Variants in METTL16 observed in about 807,000 individuals in gnomAD.
METTL16 encodes methyltransferase 16, RNA N6-adenosine.
Under a neutral mutation model 57.9 loss-of-function variants are expected in METTL16, and 19 were observed. The observed-to-expected ratio is 0.33, with a 90% CI of 0.23 to 0.48. The LOEUF is 0.48. Among genes scored for constraint, METTL16 ranks in the 20% least tolerant of loss-of-function variants. METTL16 has a pLI of 0.99. For missense variants in METTL16, 434 were observed against 691.5 expected, an observed-to-expected ratio of 0.63 and a Z score of 4.18; for synonymous variants, 246 against 255.6, an observed-to-expected ratio of 0.96 and a Z score of 0.36.
chr17:2,507,776 G>C (rs1463718389), intron 1 of METTL16, among the ~76,000 whole-genome samples: 15 of 152,328 alleles, frequency 9.8e-5, no homozygotes, highest in African/African-American at 3.4e-4. Flanking sequence ...ATTTTGTTCT[G>C]TACTAAGAAA....
chr17:2,491,816 A>G (rs564859607), intron 2 of METTL16, among the ~76,000 whole-genome samples: 2 of 144,148 alleles, frequency 1.4e-5, no homozygotes, highest in African/African-American at 5.3e-5. Flanking sequence ...CAGAGCTTGC[A>G]GTGAGCCGAG....
chr17:2,501,543 A>T (rs918212021), intron 2 of METTL16, among the ~76,000 whole-genome samples: 2 of 152,212 alleles, frequency 1.3e-5, no homozygotes, highest in Non-Finnish European at 2.9e-5. Context: ...CCTGCCTCAC[A>T]TCAAAATAAA....
chr17:2,462,110 G>T (rs187840570), intron 6 of METTL16, among the ~76,000 whole-genome samples: 1 of 152,284 alleles, frequency 6.6e-6, no homozygotes, highest in Non-Finnish European at 1.5e-5. Flanking sequence ...TCCATCAATA[G>T]ATGAACGGAT....
chr17:2,504,613 T>C (rs1321700673), intron 1 of METTL16, among the ~76,000 whole-genome samples: 8 of 152,190 alleles, frequency 5.3e-5, no homozygotes, highest in Non-Finnish European at 1.0e-4. Flanking sequence ...TGGAGTGCAG[T>C]AGCACAATCA....
intron 4 of METTL16, among the ~76,000 whole-genome samples, chr17:2,469,823 T>C (rs1282385132): frequency 6.6e-6 from 1 of 151,878 alleles, no homozygotes; most frequent in South Asian, 2.1e-4. Context: ...ACCCGGCCTA[T>C]GTACTGAAAT....
intron 1 of METTL16, among the ~76,000 whole-genome samples, chr17:2,502,887 A>T (rs775319231): frequency 1.3e-5 from 2 of 152,142 alleles, no homozygotes; most frequent in Non-Finnish European, 2.9e-5. Context: ...CTTCATACCC[A>T]CTAGGATGGC....
intron 4 of METTL16, 53 bp from the exon 5 acceptor site, chr17:2,467,929 A>T: frequency 1.6e-6 from 2 of 1,252,742 alleles, no homozygotes; most frequent in Non-Finnish European, 2.3e-6. Flanking sequence ...GTGGTTCTAA[A>T]GTATAACCGC....
chr17:2,484,164 A>G (rs1441345136), intron 2 of METTL16, among the ~76,000 whole-genome samples: 2 of 152,250 alleles, frequency 1.3e-5, no homozygotes, highest in African/African-American at 4.8e-5. Context: ...AGGGCAGTAA[A>G]TAGTAACAAA....
chr17:2,483,862 T>C (rs941414962), intron 2 of METTL16, among the ~76,000 whole-genome samples: 1 of 152,230 alleles, frequency 6.6e-6, no homozygotes, highest in Non-Finnish European at 1.5e-5. Flanking sequence ...GACATAGGAA[T>C]GAAAGTCAAG....
At chr17:2,440,550 C>G (rs2066941760) in intron 7 of METTL16, among the ~76,000 whole-genome samples, 1 of 151,226 alleles carries the variant, frequency 6.6e-6, no homozygotes. Flanking sequence ...CCCAGCCCGA[C>G]CCCATTTCTC....
intron 8 of METTL16, among the ~76,000 whole-genome samples, chr17:2,422,676 T>C (rs1414175302): frequency 6.6e-6 from 1 of 151,304 alleles, no homozygotes; most frequent in African/African-American, 2.4e-5. Flanking sequence ...AGCCTGAGAA[T>C]TTCTTTCTTT....
Position 2,499,805 on chromosome 17 carries a change from G to A in METTL16, c.128+2399C>T, listed in dbSNP as rs573716669. On this transcript the variant is annotated intron_variant, in intron 2 of 9. Transcript: ENST00000263092. ...GTCTCATTCTGTTGCCCAGGCTGAAGTGCAGTGGCATGATCTCGGTTCACT... is the reference window on the plus strand; with the variant it reads ...GTCTCATTCTGTTGCCCAGGCTGAAATGCAGTGGCATGATCTCGGTTCACT... Among the ~76,000 whole-genome samples the A allele has an allele frequency of 4.6e-5, 7 of 152,252 alleles. No individual in the cohort carries two copies. In the East Asian group the frequency reaches 1.2e-3, roughly 25 times the overall value.
At chr17:2,466,431 G>A (rs1471028406) in intron 5 of METTL16, among the ~76,000 whole-genome samples, 1 of 152,138 alleles carries the variant, frequency 6.6e-6, no homozygotes, top group Non-Finnish European at 1.5e-5. Flanking sequence ...TCACAGCCAA[G>A]AGAAAAACAG....
chr17:2,492,039 G>A (rs942338597), intron 2 of METTL16, among the ~76,000 whole-genome samples: 7 of 150,890 alleles, frequency 4.6e-5, no homozygotes, highest in East Asian at 3.9e-4. Context: ...GTGAAACCCT[G>A]TCTCTACTAA....
At chr17:2,456,379 G>A (rs945872692) in intron 6 of METTL16, among the ~76,000 whole-genome samples, 1 of 152,174 alleles carries the variant, frequency 6.6e-6, no homozygotes, top group African/African-American at 2.4e-5. Context: ...TAAGAAACAA[G>A]AAGTGGTATG....
intron 2 of METTL16, among the ~76,000 whole-genome samples, chr17:2,483,983 C>A (rs1482147295): frequency 6.6e-6 from 1 of 152,176 alleles, no homozygotes; most frequent in Non-Finnish European, 1.5e-5. Context: ...AATTTCACTG[C>A]TAAACACACA....
At chr17:2,498,591 T>C (rs1263568001) in intron 2 of METTL16, among the ~76,000 whole-genome samples, 1 of 150,656 alleles carries the variant, frequency 6.6e-6, no homozygotes, top group Non-Finnish European at 1.5e-5. Flanking sequence ...ATACAAAAAT[T>C]AGATGGCCGT....
chr17:2,507,096 C>A (rs1286649621), intron 1 of METTL16, among the ~76,000 whole-genome samples: 92 of 150,802 alleles, frequency 6.1e-4, no homozygotes, highest in African/African-American at 2.1e-3. Flanking sequence ...CCCCGCCTGG[C>A]CAGCCGCCCC....
At chr17:2,457,071 C>T (rs2151559721) in intron 6 of METTL16, among the ~76,000 whole-genome samples, 1 of 151,920 alleles carries the variant, frequency 6.6e-6, no homozygotes, top group African/African-American at 2.4e-5. Flanking sequence ...TGGTGGCTCA[C>T]GCCTGTAATC....
Sources: allele counts gnomAD v4.1 joint callset (sites outside exome capture counted in the v4.1 genomes callset), GRCh38; gene constraint gnomAD v4.1.1; transcripts MANE v1.5; gene names NCBI Gene and HGNC (gene_info 2026-07-23, HGNC 2026-07-21).